TBCK: variants seen among roughly 807,000 people sequenced by gnomAD.
TBCK encodes TBC domain-containing protein kinase-like protein.
A neutral mutation model predicts 113.4 loss-of-function variants in TBCK; 99 were observed. That is an observed-to-expected ratio of 0.87 (90% CI 0.74 to 1.03). The LOEUF (loss-of-function observed/expected upper bound fraction) is 1.03, where lower values mean the gene tolerates loss of function less well. Among genes scored for constraint, TBCK ranks in the 50% least tolerant of loss-of-function variants. The pLI, the probability that TBCK is intolerant of heterozygous loss-of-function variation, is 0.00. For synonymous variants in TBCK, 369 were observed against 370.8 expected, an observed-to-expected ratio of 1.00 and a Z score of 0.05; for missense variants, 1,045 against 1,061.3, an observed-to-expected ratio of 0.98 and a Z score of 0.21.
chr4:106,103,052 A>T (rs1390490211), intron 24 of TBCK, among the ~76,000 whole-genome samples: 1 of 152,212 alleles, frequency 6.6e-6, no homozygotes, highest in African/African-American at 2.4e-5. Flanking sequence ...AATGGGCTTT[A>T]AAAAACATCA....
At chr4:106,229,862 G>C (rs1432119074) in intron 19 of TBCK, among the ~76,000 whole-genome samples, 2 of 151,848 alleles carry the variant, frequency 1.3e-5, no homozygotes, top group African/African-American at 4.8e-5. Context: ...AAGTTGTCCT[G>C]AATGAATTCA....
intron 22 of TBCK, among the ~76,000 whole-genome samples, chr4:106,178,295 A>G (rs1158664138): frequency 6.6e-6 from 1 of 151,696 alleles, no homozygotes; most frequent in Admixed American, 6.6e-5. Context: ...TTTCTTTCCA[A>G]TTGAATGTGT....
intron 2 of TBCK, among the ~76,000 whole-genome samples, chr4:106,305,041 A>G (rs993009896): frequency 1.3e-5 from 2 of 152,276 alleles, no homozygotes; most frequent in East Asian, 3.9e-4. Flanking sequence ...ATCTGTGCCT[A>G]TAGATTAAAT....
chr4:106,173,390 A>C (rs1164990607), intron 22 of TBCK, among the ~76,000 whole-genome samples: 1 of 152,148 alleles, frequency 6.6e-6, no homozygotes. Context: ...AATGAGAGAA[A>C]ATACTCAACC....
At chr4:106,052,130 T>A (rs1734879412) in intron 25 of TBCK, among the ~76,000 whole-genome samples, 1 of 151,870 alleles carries the variant, frequency 6.6e-6, no homozygotes, top group South Asian at 2.1e-4. Context: ...ATATAAGGTA[T>A]AAAACTGGTT....
At chr4:106,195,539 CA>C in intron 20 of TBCK, among the ~76,000 whole-genome samples, 1 of 143,216 alleles carries the variant, frequency 7.0e-6, no homozygotes, top group Non-Finnish European at 1.5e-5. Context: ...CAGATAAGAT[CA>C]GCATTTGAAT....
intron 25 of TBCK, among the ~76,000 whole-genome samples, chr4:106,073,133 T>C (rs192247738): frequency 1.3e-5 from 2 of 152,322 alleles, no homozygotes; most frequent in East Asian, 3.9e-4. Flanking sequence ...TCCACCTTTG[T>C]TCTGTTGCTG....
chr4:106,203,514 T>C (rs1340368748), intron 20 of TBCK, among the ~76,000 whole-genome samples: 1 of 151,768 alleles, frequency 6.6e-6, no homozygotes, highest in Non-Finnish European at 1.5e-5. Context: ...ATTATATTAG[T>C]TATATCTTTT....
intron 22 of TBCK, among the ~76,000 whole-genome samples, chr4:106,191,847 A>C (rs1272532506): frequency 1.3e-5 from 2 of 152,184 alleles, no homozygotes; most frequent in Non-Finnish European, 2.9e-5. Flanking sequence ...GCTCTGAACA[A>C]CATGAGTGTT....
At chr4:106,310,882 T>G (rs566716737) in intron 1 of TBCK, among the ~76,000 whole-genome samples, 11 of 149,414 alleles carry the variant, frequency 7.4e-5, no homozygotes, top group South Asian at 2.1e-4. Context: ...CTAACAAACA[T>G]AGAGAGATTT....
intron 23 of TBCK, among the ~76,000 whole-genome samples, chr4:106,167,279 T>C (rs1441487642): frequency 6.7e-6 from 1 of 149,944 alleles, no homozygotes; most frequent in Non-Finnish European, 1.5e-5. Flanking sequence ...AATACCAACA[T>C]ACTTAGACAC....
chr4:106,068,697 G>C (rs1391419090), intron 25 of TBCK, among the ~76,000 whole-genome samples: 2 of 152,058 alleles, frequency 1.3e-5, no homozygotes. Flanking sequence ...TGGTATTTCT[G>C]GTTCTAGATC....
chr4:106,158,417 C>T (rs1047979497), intron 23 of TBCK, among the ~76,000 whole-genome samples: 5 of 152,062 alleles, frequency 3.3e-5, no homozygotes, highest in African/African-American at 1.2e-4. Flanking sequence ...TAGCACATGC[C>T]TGTAATCATG....
chr4:106,071,403 T>A (rs561242034), intron 25 of TBCK, among the ~76,000 whole-genome samples: 1 of 152,182 alleles, frequency 6.6e-6, no homozygotes, highest in African/African-American at 2.4e-5. Flanking sequence ...TGTAGTTGTG[T>A]GGTTTTGAGT....
chr4:106,259,067 G>T (rs978301212), intron 5 of TBCK, among the ~76,000 whole-genome samples: 1 of 151,768 alleles, frequency 6.6e-6, no homozygotes, highest in Non-Finnish European at 1.5e-5. Context: ...AGGACAGAAA[G>T]CTATCTTATT....
intron 25 of TBCK, among the ~76,000 whole-genome samples, chr4:106,082,240 T>C (rs942612282): frequency 5.3e-5 from 8 of 152,160 alleles, no homozygotes; most frequent in African/African-American, 1.2e-4. Flanking sequence ...ATATATACCA[T>C]GGAATACCAT....
chr4:106,206,427 T>C (rs1199713666), intron 20 of TBCK, among the ~76,000 whole-genome samples: 1 of 152,166 alleles, frequency 6.6e-6, no homozygotes, highest in African/African-American at 2.4e-5. Context: ...GAGAGAGACT[T>C]TAATAAGCCA....
intron 20 of TBCK, among the ~76,000 whole-genome samples, chr4:106,210,965 C>A (rs1054211179): frequency 4.6e-5 from 7 of 152,114 alleles, no homozygotes; most frequent in African/African-American, 1.7e-4. Flanking sequence ...TATAATTCTA[C>A]ACATTATTTT....
intron 2 of TBCK, among the ~76,000 whole-genome samples, chr4:106,302,401 T>C (rs1439753494): frequency 6.6e-6 from 1 of 152,010 alleles, no homozygotes; most frequent in Non-Finnish European, 1.5e-5. Flanking sequence ...ACAGGGAAAA[T>C]AAGGAAGAAT....
Sources: allele counts gnomAD v4.1 joint callset (sites outside exome capture counted in the v4.1 genomes callset), GRCh38; gene constraint gnomAD v4.1.1; transcripts MANE v1.5; gene names NCBI Gene and HGNC (gene_info 2026-07-23, HGNC 2026-07-21).